The following PIK3R6 variants were observed in gnomAD, a reference collection of about 807,000 sequenced individuals.
PIK3R6 encodes the protein phosphoinositide-3-kinase regulatory subunit 6.
PIK3R6 carries 91 observed loss-of-function variants against 84.9 expected under a neutral mutation model. The observed-to-expected ratio is 1.07, with a 90% CI of 0.90 to 1.28. The LOEUF (loss-of-function observed/expected upper bound fraction) is 1.28, where lower values mean the gene tolerates loss of function less well. Among genes scored for constraint, PIK3R6 ranks in the 50% most tolerant of loss-of-function variants. The pLI, the probability that PIK3R6 is intolerant of heterozygous loss-of-function variation, is 0.00. For synonymous variants in PIK3R6, 416 were observed against 411.4 expected (o/e 1.01, Z -0.13); for missense variants, 996 against 985.1 (o/e 1.01, Z -0.15).
In PIK3R6 at chr17:8,829,908, C is replaced by T. The variant is rs1049033154; in HGVS notation, c.803-116G>A. 4.1e-6 allele frequency: 3 copies of T among 737,292 alleles called. No individual in the cohort carries two copies. In the African/African-American group the frequency reaches 5.3e-5, roughly 13 times the overall value. The allele number at this position is 737,292 out of a possible 1,614,324, so 45.7% of individuals were successfully genotyped here. ...TTAGAGAGGTGGCAGGGACTCTCTCCTTCACATCTGGTCTGCCTTTCCATC... is the reference window on the plus strand; with the variant it reads ...TTAGAGAGGTGGCAGGGACTCTCTCTTTCACATCTGGTCTGCCTTTCCATC... On this transcript the variant is annotated intron_variant, in intron 9 of 19. Coordinates refer to ENST00000619866, the MANE Select transcript of PIK3R6 (RefSeq NM_001010855.4).
chr17:8,860,818 G>T (rs963998398), intron 1 of PIK3R6, among the ~76,000 whole-genome samples: 1 of 152,074 alleles, frequency 6.6e-6, no homozygotes, highest in Admixed American at 6.5e-5. Flanking sequence ...TCACAATGGG[G>T]ACTCTGAAGC....
In PIK3R6 at chr17:8,803,118, C is replaced by T; in HGVS notation, c.*155G>A. ...TGTGGGCCCTTCCTCATCACAGTCC[C>T]CAGGGTAGGCTCCCTGTGCTCCCAG... On this transcript the variant is annotated 3_prime_UTR_variant, in exon 20 of 20. Coordinates refer to ENST00000619866, the MANE Select transcript of PIK3R6 (RefSeq NM_001010855.4). This position sits in a 1 kb window ranked among gnomAD's most constrained non-coding sequence, Gnocchi z 5.0. 1.1e-6 allele frequency: 1 copy of T among 926,274 alleles called. No homozygotes were observed. The highest frequency in any genetic ancestry group is 1.7e-5 in the South Asian group (1 of 59,396). 57.4% of individuals were successfully genotyped at this position (926,274 alleles called of 1,614,324 possible).
At chr17:8,863,876 C>T (rs866642852) in intron 1 of PIK3R6, among the ~76,000 whole-genome samples, 3 of 152,296 alleles carry the variant, frequency 2.0e-5, no homozygotes, top group Middle Eastern at 6.8e-3. Flanking sequence ...GAGGAGGTGC[C>T]ATTTGAGTGG....
chr17:8,817,042 T>C (rs2087564148), intron 18 of PIK3R6, among the ~76,000 whole-genome samples: 1 of 152,244 alleles, frequency 6.6e-6, no homozygotes, highest in African/African-American at 2.4e-5. Flanking sequence ...TACAGGTATA[T>C]GCAACCATCA....
chr17:8,833,195 G>T, intron 8 of PIK3R6, 150 bp from the exon 9 acceptor site: 1 of 1,171,094 alleles, frequency 8.5e-7, no homozygotes, highest in Non-Finnish European at 1.2e-6. Context: ...AAGGCTTCTG[G>T]ATCCCACATC....
rs577671148 is a variant in PIK3R6 at position 8,841,209 on chromosome 17, A to G, written c.14-1512T>C. ...GCTAAAATCTAAAGTCAATTTAAAG[A>G]ATCGTATCAGATACATACCAGGACA... On this transcript the variant is annotated intron_variant, in intron 2 of 19. Transcript: ENST00000619866. Among the ~76,000 whole-genome samples, 18 of 152,304 alleles carry G rather than the reference A, an allele frequency of 1.2e-4. 3 individuals are homozygous for G. The South Asian group carries it at 3.7e-3, about 32-fold the overall frequency.
In PIK3R6 at chr17:8,829,706, A is replaced by G; in HGVS notation, c.889T>C (p.Trp297Arg). 6.4e-7 allele frequency: 1 copy of G among 1,552,302 alleles called. No homozygotes were observed. The highest frequency in any genetic ancestry group is 8.7e-7 in the Non-Finnish European group (1 of 1,147,396). The change falls in exon 10 of 20, where the codon TGG (tryptophan) becomes CGG (arginine). Residue 297 changes from tryptophan to arginine, a missense_variant and splice_region_variant. Trp to Arg is a moderately radical substitution (Grantham distance 101). Coordinates refer to ENST00000619866, the MANE Select transcript of PIK3R6 (RefSeq NM_001010855.4). ...FHLWTGEEQL[W>R]KELVLFLRPR... ...TCCAGACAGCTCCATGGGCACGTAC[A>G]GAGCTGCTCCTCACCGGTCCACAAG...
intron 1 of PIK3R6, among the ~76,000 whole-genome samples, chr17:8,856,750 T>A (rs1479417527): frequency 1.3e-5 from 2 of 152,172 alleles, no homozygotes; most frequent in African/African-American, 4.8e-5. Flanking sequence ...TACTTACCCA[T>A]AAACAGTGGG....
intron 5 of PIK3R6, 76 bp downstream of exon 5, chr17:8,837,727 G>C (rs1355098479): frequency 3.9e-6 from 5 of 1,266,330 alleles, no homozygotes; most frequent in Non-Finnish European, 5.7e-6. Context: ...GAGACTGAGT[G>C]CCCACTAAGG....
chr17:8,851,409 T>C (rs2088962498), intron 1 of PIK3R6, among the ~76,000 whole-genome samples: 1 of 140,338 alleles, frequency 7.1e-6, no homozygotes. Context: ...GGCAGGAGAA[T>C]GGCGTGAACC....
chr17:8,829,365 C>CAT (rs760286312), intron 10 of PIK3R6, among the ~76,000 whole-genome samples: 3 of 149,516 alleles, frequency 2.0e-5, no homozygotes, highest in Admixed American at 6.6e-5. Context: ...GACACACACA[C>CAT]ATGCATGGAT....
At chr17:8,854,374 C>G (rs917646198) in intron 1 of PIK3R6, among the ~76,000 whole-genome samples, 9 of 152,172 alleles carry the variant, frequency 5.9e-5, no homozygotes, top group African/African-American at 2.2e-4. Context: ...GTCTTGAACT[C>G]CTGACCTCGT....
At chr17:8,807,339 G>C (rs2087234737) in intron 18 of PIK3R6, among the ~76,000 whole-genome samples, 1 of 152,230 alleles carries the variant, frequency 6.6e-6, no homozygotes, top group Non-Finnish European at 1.5e-5. Flanking sequence ...CACCACACCA[G>C]CTAAGATGAG....
At chr17:8,818,355 T>C (rs1272933228) in intron 18 of PIK3R6, among the ~76,000 whole-genome samples, 1 of 152,116 alleles carries the variant, frequency 6.6e-6, no homozygotes, top group African/African-American at 2.4e-5. Flanking sequence ...TATGTCTGTA[T>C]CAGTAAGTAC....
intron 1 of PIK3R6, among the ~76,000 whole-genome samples, chr17:8,865,636 T>G: frequency 6.9e-6 from 1 of 144,700 alleles, no homozygotes; most frequent in African/African-American, 2.6e-5. Context: ...TCGGAGCGTG[T>G]GGTGAGTGAG....
At chr17:8,831,947 C>G (rs1188113597) in intron 9 of PIK3R6, among the ~76,000 whole-genome samples, 2 of 152,196 alleles carry the variant, frequency 1.3e-5, no homozygotes, top group Non-Finnish European at 2.9e-5. Context: ...TACATTATGC[C>G]TTGCATAAGA....
At chr17:8,823,139 T>G in intron 14 of PIK3R6, 53 bp from the exon 15 acceptor site, 40 of 1,367,646 alleles carry the variant, frequency 2.9e-5, no homozygotes, top group Non-Finnish European at 4.2e-5. Flanking sequence ...CAAATCACTC[T>G]ATCCCTGATT....
chr17:8,847,554 A>C (rs2088841117), intron 2 of PIK3R6, among the ~76,000 whole-genome samples: 1 of 152,124 alleles, frequency 6.6e-6, no homozygotes, highest in African/African-American at 2.4e-5. Context: ...TAATCCCAGC[A>C]CTTTGGGAGG....
At chr17:8,825,934 T>C (rs2151221129) in intron 13 of PIK3R6, among the ~76,000 whole-genome samples, 1 of 152,330 alleles carries the variant, frequency 6.6e-6, no homozygotes. Context: ...TAGAATTCTC[T>C]TACTATATAA....
Sources: gnomAD v4.1 joint callset for allele counts (sites outside exome capture counted in the v4.1 genomes callset) on GRCh38, gnomAD v4.1.1 for gene constraint, Gnocchi (gnomAD v3.1) non-coding constraint, MANE v1.5 for transcripts, NCBI Gene and HGNC (gene_info 2026-07-23, HGNC 2026-07-21) for gene names.